Variants in EIF2AK4 observed in about 807,000 individuals in gnomAD.
The protein encoded by EIF2AK4 is eIF-2-alpha kinase GCN2.
A neutral mutation model predicts 211.1 loss-of-function variants in EIF2AK4; 139 were observed. That is an observed-to-expected ratio of 0.66 (90% CI 0.57 to 0.76). The LOEUF is 0.76. Among genes scored for constraint, EIF2AK4 ranks in the 30% least tolerant of loss-of-function variants. The probability of loss-of-function intolerance (pLI) is 0.00; values close to 1 mark genes in which losing one functional copy is unlikely to be tolerated. For missense variants in EIF2AK4, 1,664 were observed against 2,043.8 expected (o/e 0.81, Z 3.58); for synonymous variants, 710 against 751.3 (o/e 0.94, Z 0.90).
intron 29 of EIF2AK4, among the ~76,000 whole-genome samples, chr15:40,017,578 T>C (rs2035327829): frequency 1.5e-5 from 2 of 132,042 alleles, no homozygotes; most frequent in Non-Finnish European, 3.2e-5. Context: ...AGGGCCTTGC[T>C]CTGTCACCCA....
chr15:39,943,351 C>CTTTTT (rs5812147), intron 2 of EIF2AK4, 32 bp from the exon 3 acceptor site: 26 of 864,014 alleles, frequency 3.0e-5, no homozygotes, highest in South Asian at 7.8e-5. Context: ...TGGAGTAACT[C>CTTTTT]TTTTTTTTTT....
rs745547168 is a variant in EIF2AK4 at position 40,009,636 on chromosome 15, T to G, written c.3599T>G (p.Leu1200Trp). The change falls in exon 26 of 39, where the codon TTG becomes TGG. Residue 1200 changes from leucine to tryptophan, a missense_variant. Coordinates refer to ENST00000263791, the MANE Select transcript of EIF2AK4 (RefSeq NM_001013703.4). ...ALQERNYSIY[L>W]NHTMLLKAIL... is the part of the protein sequence containing the mutation. ...CAGGAAAGAAATTACAGTATTTATT[T>G]GAACCATACCATGTTATTGAAAGCA... 1 of 1,598,320 alleles carries G rather than the reference T, an allele frequency of 6.3e-7. No homozygotes were observed. Among genetic ancestry groups the G allele is most frequent in the Non-Finnish European group, 8.5e-7 (1 of 1,174,624 alleles).
intron 8 of EIF2AK4, 76 bp from the exon 9 acceptor site, chr15:39,967,268 T>C: frequency 6.9e-7 from 1 of 1,453,724 alleles, no homozygotes; most frequent in Non-Finnish European, 9.1e-7. Context: ...TATGATCAAA[T>C]ACTTCACTTT....
rs777842520 is a variant in EIF2AK4, at chr15:39,992,816, G to T, written c.2734G>T (p.Val912Phe). ...CACTGCTCTCTATGTAAGCCCAGAG[G>T]TCCAAGGAAGCACCAAATCTGCATA... is the stretch of plus-strand genomic sequence containing the variant. ...VGTALYVSPE[V>F]QGSTKSAYNQ... Residue 912 changes from valine to phenylalanine, a missense_variant, in exon 18 of 39, where the codon GTC (valine) becomes TTC (phenylalanine). Physicochemically the swap from Val to Phe is conservative, Grantham distance 50 (BLOSUM62 -1). This residue lies in a region of EIF2AK4 where 622 missense variants were observed against 796.8 expected (regional missense o/e 0.78). Transcript: ENST00000263791. 6.2e-7 allele frequency: 1 copy of T among 1,614,132 alleles called. No homozygotes were observed. The highest frequency in any genetic ancestry group is 8.5e-7 in the Non-Finnish European group (1 of 1,180,030).
intron 6 of EIF2AK4, among the ~76,000 whole-genome samples, chr15:39,956,773 C>G (rs956486660): frequency 2.6e-5 from 4 of 152,126 alleles, no homozygotes; most frequent in African/African-American, 4.8e-5. Flanking sequence ...TTTAAATTAT[C>G]TCTTGTGAGA....
intron 6 of EIF2AK4, 74 bp from the exon 7 acceptor site, chr15:39,961,710 A>T: frequency 8.3e-7 from 1 of 1,201,328 alleles, no homozygotes; most frequent in Non-Finnish European, 1.2e-6. Context: ...TTAATCTATA[A>T]CATTCCTATG....
intron 17 of EIF2AK4, 93 bp from the exon 18 acceptor site, chr15:39,992,676 G>A (rs990686434): frequency 9.6e-7 from 1 of 1,046,168 alleles, no homozygotes. Flanking sequence ...AACAGATCAT[G>A]CCTCACTTTT....
intron 6 of EIF2AK4, among the ~76,000 whole-genome samples, chr15:39,956,311 C>T (rs1438029319): frequency 6.6e-6 from 1 of 152,152 alleles, no homozygotes; most frequent in Non-Finnish European, 1.5e-5. Context: ...GCCTCATTCC[C>T]CTTTATAACA....
At chr15:39,990,179 G>A (rs1203330389) in intron 15 of EIF2AK4, 94 bp from the exon 16 acceptor site, 63 of 1,244,974 alleles carry the variant, frequency 5.1e-5, no homozygotes, top group Non-Finnish European at 6.5e-5. Flanking sequence ...GACCTCATAC[G>A]ATTTTCATCG....
intron 24 of EIF2AK4, 40 bp from the exon 25 acceptor site, chr15:40,007,987 A>C (rs1410291738): frequency 7.1e-7 from 1 of 1,400,698 alleles, no homozygotes; most frequent in East Asian, 2.6e-5. Flanking sequence ...ATTTCTTTCT[A>C]GTAAGCAATG....
chr15:40,028,208 G>C (rs1199499844), intron 33 of EIF2AK4, among the ~76,000 whole-genome samples: 1 of 151,878 alleles, frequency 6.6e-6, no homozygotes, highest in Non-Finnish European at 1.5e-5. Flanking sequence ...GAGTAGCTGG[G>C]ACCGTAGTCA....
chr15:39,975,278 C>T (rs2034678189), intron 11 of EIF2AK4: 1 of 151,536 alleles, frequency 6.6e-6, no homozygotes, highest in Middle Eastern at 3.2e-3. Context: ...TCAGACCCAC[C>T]TCTGTTGTAC....
intron 13 of EIF2AK4, 21 bp downstream of exon 13, chr15:39,978,168 T>A: frequency 7.7e-7 from 1 of 1,306,808 alleles, no homozygotes; most frequent in South Asian, 1.4e-5. Context: ...GAATAGAAAT[T>A]ATATCATTTT....
chr15:39,970,203 C>T (rs1475430692), intron 9 of EIF2AK4, among the ~76,000 whole-genome samples: 3 of 152,082 alleles, frequency 2.0e-5, no homozygotes, highest in African/African-American at 7.2e-5. Flanking sequence ...AAAGCTGAAC[C>T]TTTTCTATAT....
chr15:39,997,546 A>G (rs2035033653), intron 19 of EIF2AK4, among the ~76,000 whole-genome samples: 1 of 152,254 alleles, frequency 6.6e-6, no homozygotes, highest in African/African-American at 2.4e-5. Context: ...GAATATGGTT[A>G]TAACAAGGGA....
chr15:40,020,126 C>G (rs1057001282), intron 30 of EIF2AK4, among the ~76,000 whole-genome samples: 1 of 147,540 alleles, frequency 6.8e-6, no homozygotes, highest in Non-Finnish European at 1.5e-5. Context: ...GAAATCATGC[C>G]ACTTCCACTC....
chr15:39,967,401 G>A lies in EIF2AK4; in HGVS notation c.1075G>A (p.Val359Ile). Residue 359 changes from valine to isoleucine, a missense_variant, in exon 9 of 39, where the codon GTA (valine) becomes ATA (isoleucine). Physicochemically the swap from Val to Ile is conservative, Grantham distance 29. Coordinates refer to ENST00000263791, the MANE Select transcript of EIF2AK4 (RefSeq NM_001013703.4). ...SLVKLSHPNV[V>I]RYLAMNLKEQ... ...GGTAAAATTGAGCCATCCAAATGTA[G>A]TACGCTACCTTGCAATGAATCTCAA... 6.2e-7 allele frequency: 1 copy of A among 1,611,846 alleles called. No individual in the cohort carries two copies. Among genetic ancestry groups the A allele is most frequent in the South Asian group, 1.1e-5 (1 of 90,990 alleles).
chr15:40,019,513 G>C (rs968427791), intron 30 of EIF2AK4, among the ~76,000 whole-genome samples: 1 of 152,170 alleles, frequency 6.6e-6, no homozygotes, highest in South Asian at 2.1e-4. Flanking sequence ...GGGCAAGCAA[G>C]CATTACCACC....
rs1055925334 is a variant in EIF2AK4, at chr15:39,943,073, A to T, written c.258-310A>T. Among the ~76,000 whole-genome samples, 3 of 152,002 alleles carry T rather than the reference A, an allele frequency of 2.0e-5. No individual in the cohort carries two copies. The South Asian group carries it at 6.2e-4, about 32-fold the overall frequency. The stretch of plus-strand genomic sequence containing the variant: ...GTGAAGAACTCAGAGTTAGGGATCC[A>T]GGTCAAATCGTAGGAAATAAATAGT... On this transcript the variant is annotated intron_variant, in intron 2 of 38. Coordinates refer to ENST00000263791, the MANE Select transcript of EIF2AK4 (RefSeq NM_001013703.4).
Sources: gnomAD v4.1 joint callset for allele counts (sites outside exome capture counted in the v4.1 genomes callset) on GRCh38, gnomAD v4.1.1 for gene constraint, gnomAD v4.1.1 regional missense constraint, MANE v1.5 for transcripts, NCBI Gene and HGNC (gene_info 2026-07-23, HGNC 2026-07-21) for gene names.